Variants in NUDC observed in about 807,000 individuals in gnomAD.
The protein encoded by NUDC is nuclear distribution C, dynein complex regulator.
NUDC carries 14 observed loss-of-function variants against 45.0 expected under a neutral mutation model. The ratio of observed to expected loss-of-function variants is 0.31; its 90% CI spans 0.21 to 0.49. The LOEUF (loss-of-function observed/expected upper bound fraction) is 0.49. Among genes scored for constraint, NUDC ranks in the 20% least tolerant of loss-of-function variants. The probability of loss-of-function intolerance (pLI) is 0.99; values close to 1 mark genes in which losing one functional copy is unlikely to be tolerated. For missense variants in NUDC, 323 were observed against 426.2 expected, an observed-to-expected ratio of 0.76 and a Z score of 2.13; for synonymous variants, 153 against 156.7, an observed-to-expected ratio of 0.98 and a Z score of 0.17.
rs574149382 is a variant in NUDC, at chr1:26,911,314, C to T, written c.93+79C>T. The T allele has an allele frequency of 3.3e-4, 126 of 387,632 alleles. 1 individual carries two copies. The highest frequency in any genetic ancestry group is 2.4e-3 in the South Asian group (120 of 50,360). 24.0% of individuals were successfully genotyped at this position (387,632 alleles called of 1,614,324 possible). On this transcript the variant is annotated intron_variant, in intron 3 of 6. Coordinates refer to the NUDC transcript ENST00000435827. ...TGGGAATGGGAGAGCAACCTCCTTC[C>T]CCTGAGGATAAAGACAATGAGGTGA...
chr1:26,900,161 A>G (rs369339374), upstream of NUDC: 23 of 1,614,018 alleles, frequency 1.4e-5, no homozygotes, highest in African/African-American at 2.7e-5. Context: ...GGATTGGAGT[A>G]GAGTCTCGAG....
intron 2 of NUDC, among the ~76,000 whole-genome samples, chr1:26,929,156 CA>C (rs1409214162): frequency 6.6e-6 from 1 of 152,164 alleles, no homozygotes; most frequent in Non-Finnish European, 1.5e-5. Context: ...ATAAGCTGGT[CA>C]CAAAAGGACA....
upstream of NUDC, among the ~76,000 whole-genome samples, chr1:26,918,490 G>T (rs1262457109): frequency 6.6e-6 from 1 of 151,632 alleles, no homozygotes; most frequent in Non-Finnish European, 1.5e-5. Flanking sequence ...TGGCCAGGCT[G>T]GTCTCGAACT....
intron 1 of NUDC, 57 bp downstream of exon 1, chr1:26,921,986 C>T (rs1412908260): frequency 4.4e-5 from 66 of 1,511,254 alleles, no homozygotes; most frequent in Middle Eastern, 1.7e-4. Flanking sequence ...TCCTTCCGCC[C>T]TTCTCTGCCT....
At chr1:26,917,316 C>G (rs1214479674), upstream of NUDC, among the ~76,000 whole-genome samples, 1 of 151,860 alleles carries the variant, frequency 6.6e-6, no homozygotes, top group African/African-American at 2.4e-5. Context: ...AATCCCAGCA[C>G]TTTGGGAGGC....
chr1:26,923,373 C>T lies in NUDC; in HGVS notation c.82-716C>T, dbSNP rs151261461. ...ATATATGTCCATCTGATACTCAAAC[C>T]GTTGGCTACACTTGTACTCCAGCCA... On this transcript the variant is annotated intron_variant, in intron 1 of 8. Transcript: ENST00000321265. Among the ~76,000 whole-genome samples the T allele has an allele frequency of 9.3e-4, 142 of 152,286 alleles. 1 individual carries two copies. Among genetic ancestry groups the T allele is most frequent in the African/African-American group, 3.1e-3 (128 of 41,544 alleles).
chr1:26,901,122 T>C (rs570917455), intron 1 of NUDC, among the ~76,000 whole-genome samples: 1 of 152,322 alleles, frequency 6.6e-6, no homozygotes, highest in South Asian at 2.1e-4. Flanking sequence ...TGGCGTTATC[T>C]AGTAAAAGCA....
At chr1:26,940,126 C>A (rs1191778337) in intron 2 of NUDC, among the ~76,000 whole-genome samples, 1 of 152,120 alleles carries the variant, frequency 6.6e-6, no homozygotes, top group Non-Finnish European at 1.5e-5. Context: ...GGTGAACAGG[C>A]TCTTCCTTCA....
intron 2 of NUDC, among the ~76,000 whole-genome samples, chr1:26,902,636 G>C (rs1042785478): frequency 2.6e-5 from 4 of 152,104 alleles, no homozygotes; most frequent in Middle Eastern, 6.8e-3. Flanking sequence ...TGTAATCTTA[G>C]CACGTCGGGA....
At chr1:26,927,154 G>A (rs1336662854) in intron 2 of NUDC, among the ~76,000 whole-genome samples, 1 of 150,636 alleles carries the variant, frequency 6.6e-6, no homozygotes, top group Non-Finnish European at 1.5e-5. Flanking sequence ...AGATATGAAG[G>A]ATGAATAGCT....
intron 2 of NUDC, among the ~76,000 whole-genome samples, chr1:26,937,116 T>A (rs1367257041): frequency 1.3e-5 from 2 of 152,168 alleles, no homozygotes; most frequent in African/African-American, 4.8e-5. Context: ...ACTTGTTTAT[T>A]ATAAAAGACA....
chr1:26,942,724 A>G lies in NUDC; in HGVS notation c.494A>G (p.Asn165Ser), dbSNP rs778542617. 6 of 1,614,250 alleles carry G rather than the reference A, an allele frequency of 3.7e-6. No homozygotes were observed. The highest frequency in any genetic ancestry group is 2.2e-5 in the East Asian group (1 of 44,888). Residue 165 changes from asparagine (N) to serine (S), a missense_variant, in exon 5 of 9, where the codon AAC becomes AGC. Coordinates refer to ENST00000321265, the MANE Select transcript of NUDC (RefSeq NM_006600.4). ...GGAAAACTGAAGCCCAACCTAGGCA[A>G]CGGGGCAGACCTGCCCAATTACCGC... is the stretch of plus-strand genomic sequence containing the variant. ...DKGKLKPNLG[N>S]GADLPNYRWT...
intron 3 of NUDC, among the ~76,000 whole-genome samples, chr1:26,914,239 G>A (rs1005827093): frequency 1.3e-5 from 2 of 152,190 alleles, no homozygotes; most frequent in Non-Finnish European, 2.9e-5. Context: ...TGACTCAAGT[G>A]GATAAACAAG....
chr1:26,945,309 G>A, intron 6 of NUDC, 81 bp from the exon 7 acceptor site: 1 of 1,141,344 alleles, frequency 8.8e-7, no homozygotes, highest in African/African-American at 1.5e-5. Context: ...ATGGGAGAGA[G>A]TTTGGTTGTG....
chr1:26,937,930 G>A lies in NUDC; in HGVS notation c.160-3527G>A, dbSNP rs188319747. Among the ~76,000 whole-genome samples the A allele has an allele frequency of 9.1e-4, 139 of 152,220 alleles. 1 individual carries two copies. Among genetic ancestry groups the A allele is most frequent in the African/African-American group, 3.1e-3 (128 of 41,524 alleles). ...TCCCAAAGTGCTGGGATTACAGATG[G>A]GAGCCCCCGTGCCCGACCTGGATTA... On this transcript the variant is annotated intron_variant, in intron 2 of 8. Coordinates refer to ENST00000321265, the MANE Select transcript of NUDC (RefSeq NM_006600.4).
rs532070993 is a variant in NUDC, at chr1:26,914,478, G to A, written c.93+3243G>A. On this transcript the variant is annotated intron_variant, in intron 3 of 6. Coordinates refer to the NUDC transcript ENST00000435827. ...TGCTTCTGTTGTCAGCCAGAAGCAGGCTACAGGGAAGGGAGCCAGGACCCT... is the reference window on the plus strand; with the variant it reads ...TGCTTCTGTTGTCAGCCAGAAGCAGACTACAGGGAAGGGAGCCAGGACCCT... Among the ~76,000 whole-genome samples the A allele has an allele frequency of 2.0e-5, 3 of 152,240 alleles. No individual in the cohort carries two copies. In the East Asian group the frequency reaches 5.8e-4, roughly 29 times the overall value.
chr1:26,942,451 C>G (rs575155907), intron 4 of NUDC, among the ~76,000 whole-genome samples: 2 of 152,322 alleles, frequency 1.3e-5, no homozygotes, highest in South Asian at 4.1e-4. Flanking sequence ...ATAGTCTGAG[C>G]TCCTCTCAGA....
At chr1:26,912,557 C>T (rs971936321) in intron 3 of NUDC, among the ~76,000 whole-genome samples, 6 of 152,128 alleles carry the variant, frequency 3.9e-5, no homozygotes, top group African/African-American at 9.7e-5. Context: ...TTAATTACTA[C>T]GATTTATGCG....
chr1:26,915,308 A>G (rs1047170291), intron 3 of NUDC, among the ~76,000 whole-genome samples: 1 of 152,130 alleles, frequency 6.6e-6, no homozygotes, highest in South Asian at 2.1e-4. Context: ...AGAGCCTGAG[A>G]TTCTCAGAGC....
Sources: allele counts gnomAD v4.1 joint callset (sites outside exome capture counted in the v4.1 genomes callset), GRCh38; gene constraint gnomAD v4.1.1; transcripts MANE v1.5; gene names NCBI Gene and HGNC (gene_info 2026-07-23, HGNC 2026-07-21).